The following FAM114A1 variants were observed in gnomAD, a reference collection of about 807,000 sequenced individuals.
FAM114A1 encodes the protein protein NOXP20.
Under a neutral mutation model 64.3 loss-of-function variants are expected in FAM114A1, and 62 were observed. The observed-to-expected ratio is 0.96, with a 90% CI of 0.79 to 1.19. The LOEUF (loss-of-function observed/expected upper bound fraction) is 1.19, where lower values mean the gene tolerates loss of function less well. Ranked by LOEUF, FAM114A1 falls within the 50% of genes most tolerant of loss-of-function variation. FAM114A1 has a pLI of 0.00. For missense variants in FAM114A1, 645 were observed against 676.3 expected, an observed-to-expected ratio of 0.95 and a Z score of 0.51; for synonymous variants, 254 against 251.1, an observed-to-expected ratio of 1.01 and a Z score of -0.11.
chr4:38,934,174 A>T (rs979403758), intron 12 of FAM114A1, among the ~76,000 whole-genome samples: 2 of 152,228 alleles, frequency 1.3e-5, no homozygotes. Context: ...CTAATTGGAA[A>T]GAAGAGGGCC....
intron 9 of FAM114A1, among the ~76,000 whole-genome samples, chr4:38,923,709 C>A (rs1719848812): frequency 6.6e-6 from 1 of 152,180 alleles, no homozygotes; most frequent in African/African-American, 2.4e-5. Flanking sequence ...CTGACAAAGT[C>A]TGTACCATTT....
chr4:38,898,092 A>C (rs1023464392), intron 4 of FAM114A1, among the ~76,000 whole-genome samples: 4 of 152,238 alleles, frequency 2.6e-5, no homozygotes, highest in Admixed American at 6.5e-5. Context: ...CAACAATGCT[A>C]AAACATGTAT....
chr4:38,908,734 T>G lies in FAM114A1; in HGVS notation c.792+8T>G. On this transcript the variant is annotated splice_region_variant and intron_variant, in intron 7 of 14. Transcript: ENST00000358869. The stretch of plus-strand genomic sequence containing the variant: ...ACTGTTTCCTTGTCTCAGGTTGGAT[T>G]ATATACGTTTGCAATTTTTTCTTTC... 6.5e-7 allele frequency: 1 copy of G among 1,550,204 alleles called. No homozygotes were observed. The highest frequency in any genetic ancestry group is 1.2e-5 in the South Asian group (1 of 80,508).
chr4:38,873,468 A>C (rs1037480848), intron 2 of FAM114A1, among the ~76,000 whole-genome samples: 1 of 152,240 alleles, frequency 6.6e-6, no homozygotes. Context: ...ACTATGTAGA[A>C]TATGAATACA....
chr4:38,916,680 G>T (rs1719082775), intron 8 of FAM114A1, among the ~76,000 whole-genome samples: 1 of 152,132 alleles, frequency 6.6e-6, no homozygotes, highest in Non-Finnish European at 1.5e-5. Flanking sequence ...CAAGGGGAGG[G>T]ATAGCATTAG....
intron 8 of FAM114A1, among the ~76,000 whole-genome samples, chr4:38,916,268 G>A (rs1255786525): frequency 6.6e-6 from 1 of 152,134 alleles, no homozygotes; most frequent in African/African-American, 2.4e-5. Context: ...AAAGTCTTGT[G>A]GTTAAAACTG....
chr4:38,878,315 G>GC lies in FAM114A1; in HGVS notation c.242dup (p.Leu82SerfsTer7), dbSNP rs1714870049. ...AGCCTCAGGATGCCAACGCCCTGGA[G>GC]CCCCCTCTCAATGGAGACGTGACTG... On this transcript the variant is annotated frameshift_variant, in exon 3 of 15. Transcript: ENST00000358869. LOFTEE classifies it high-confidence loss of function. The GC allele has an allele frequency of 1.2e-6, 2 of 1,614,242 alleles. No individual in the cohort carries two copies. The highest frequency in any genetic ancestry group is 1.7e-6 in the Non-Finnish European group (2 of 1,180,042).
chr4:38,928,546 T>C, intron 9 of FAM114A1, among the ~76,000 whole-genome samples: 1 of 152,296 alleles, frequency 6.6e-6, no homozygotes, highest in East Asian at 1.9e-4. Flanking sequence ...TAATAAATCA[T>C]TCTGTAAATA....
chr4:38,879,812 C>A (rs1363695471), intron 3 of FAM114A1, among the ~76,000 whole-genome samples: 1 of 152,080 alleles, frequency 6.6e-6, no homozygotes. Flanking sequence ...GCCCCTAGAC[C>A]AGAAGTTCTC....
chr4:38,891,446 C>G (rs1396526664), intron 3 of FAM114A1, among the ~76,000 whole-genome samples: 1 of 152,134 alleles, frequency 6.6e-6, no homozygotes, highest in Non-Finnish European at 1.5e-5. Flanking sequence ...TCCCATGCAG[C>G]CTTTTCCCTG....
intron 4 of FAM114A1, among the ~76,000 whole-genome samples, chr4:38,893,199 A>G (rs1043562305): frequency 2.0e-5 from 3 of 152,278 alleles, no homozygotes; most frequent in Non-Finnish European, 4.4e-5. Flanking sequence ...GTTTGAACTT[A>G]GTGGCTATCA....
intron 4 of FAM114A1, among the ~76,000 whole-genome samples, chr4:38,892,387 T>C (rs112080874): frequency 0.018 from 2,770 of 152,296 alleles, 84 homozygotes; most frequent in African/African-American, 0.06. Context: ...AACTCTGAGC[T>C]TCTTGGCTGC....
intron 8 of FAM114A1, 124 bp from the exon 9 acceptor site, chr4:38,922,646 C>A: frequency 7.9e-7 from 1 of 1,267,756 alleles, no homozygotes; most frequent in Non-Finnish European, 1.1e-6. Flanking sequence ...AGCCAACATT[C>A]AACCCAGCGA....
chr4:38,878,027 A>G, intron 2 of FAM114A1, 44 bp from the exon 3 acceptor site: 4 of 1,472,160 alleles, frequency 2.7e-6, no homozygotes, highest in Non-Finnish European at 3.7e-6. Context: ...ATTGAAGCTT[A>G]ACAATTCGAT....
chr4:38,935,720 T>C lies in FAM114A1; in HGVS notation c.1466T>C (p.Leu489Ser). Residue 489 changes from leucine to serine, a missense_variant and splice_region_variant, in exon 13 of 15, where the codon TTA becomes TCA. By Grantham distance (145) the Leu-to-Ser change is moderately radical. Transcript: ENST00000358869. ...CTTTTTTTTTTTTCTTCTTTCAGAT[T>C]AACTACTGCAATGTGCAATGAAGTG... is the stretch of plus-strand genomic sequence containing the variant. ...AQDQAKVLIKLTTAMCNEVAS... is the reference protein window; with the variant it reads ...AQDQAKVLIKSTTAMCNEVAS... The C allele has an allele frequency of 6.3e-7, 1 of 1,584,830 alleles. No individual in the cohort carries two copies. The highest frequency in any genetic ancestry group is 8.6e-7 in the Non-Finnish European group (1 of 1,168,618).
chr4:38,921,679 G>A (rs1166991254), intron 8 of FAM114A1, among the ~76,000 whole-genome samples: 1 of 152,134 alleles, frequency 6.6e-6, no homozygotes, highest in Non-Finnish European at 1.5e-5. Flanking sequence ...CTCCCTGTGT[G>A]TACCCTCTCA....
chr4:38,906,249 C>T (rs1393762329), intron 6 of FAM114A1, among the ~76,000 whole-genome samples: 2 of 152,032 alleles, frequency 1.3e-5, no homozygotes, highest in Non-Finnish European at 2.9e-5. Context: ...AGCATTAAAC[C>T]GTTTAAATAA....
At position 38,943,686 on chromosome 4, in the gene FAM114A1, C is replaced by A. The variant is rs892570111; in HGVS notation, c.*129C>A. On this transcript the variant is annotated 3_prime_UTR_variant, in exon 15 of 15. Transcript: ENST00000358869. ...TGAGGACACTACAAGCAATTTTGCA[C>A]AGACAATATTGAGAATGCAAATTTA... is the stretch of plus-strand genomic sequence containing the variant. The A allele has an allele frequency of 1.4e-5, 9 of 656,838 alleles. No individual in the cohort carries two copies. In the African/African-American group the frequency reaches 1.6e-4, roughly 12 times the overall value. The allele number at this position is 656,838 out of a possible 1,614,324, so 40.7% of individuals were successfully genotyped here. A position where few individuals can be genotyped will look rare whatever the true frequency, so the allele number is the denominator to read the frequency against.
At position 38,905,459 on chromosome 4, in the gene FAM114A1, G is replaced by A. The variant is rs771485860; in HGVS notation, c.437-63G>A. On this transcript the variant is annotated intron_variant, in intron 4 of 14. Transcript: ENST00000358869. ...ACTTGAAACAGCTTTGTAAGATTTG[G>A]TGGAGGATTTGCAGACCGTGGATTT... The A allele has an allele frequency of 3.4e-6, 4 of 1,180,294 alleles. No individual in the cohort carries two copies. The Admixed American group carries it at 6.2e-5, about 18-fold the overall frequency. 73.1% of individuals were successfully genotyped at this position (1,180,294 alleles called of 1,614,324 possible).
Sources: allele counts gnomAD v4.1 joint callset (sites outside exome capture counted in the v4.1 genomes callset), GRCh38; gene constraint gnomAD v4.1.1; transcripts MANE v1.5; gene names NCBI Gene and HGNC (gene_info 2026-07-23, HGNC 2026-07-21).